The following CFAP95 variants were observed in gnomAD, a reference collection of about 807,000 sequenced individuals.
The protein encoded by CFAP95 is cilia- and flagella-associated protein 95.
At chr9:69,848,641 G>T in the CFAP95 span, among the ~76,000 whole-genome samples, 1 of 152,132 alleles carries the variant, frequency 6.6e-6, no homozygotes, top group East Asian at 1.9e-4. Flanking sequence ...AGTCCCCAAG[G>T]AGATAGAGGG....
the CFAP95 span, among the ~76,000 whole-genome samples, chr9:69,903,011 C>G: frequency 8.3e-4 from 126 of 152,262 alleles, no homozygotes; most frequent in African/African-American, 2.9e-3. Flanking sequence ...ATAAGATGTA[C>G]AAAATCCAGC....
the CFAP95 span, among the ~76,000 whole-genome samples, chr9:69,872,362 A>C: frequency 2.6e-5 from 4 of 152,334 alleles, no homozygotes; most frequent in East Asian, 7.7e-4. Context: ...AAGCACAAAA[A>C]TAACCAAAGA....
chr9:69,837,573 G>A, the CFAP95 span, among the ~76,000 whole-genome samples: 6 of 152,030 alleles, frequency 3.9e-5, no homozygotes, highest in Non-Finnish European at 8.8e-5. Context: ...CTTTTTGATG[G>A]GGTTGTTTGT....
At chr9:69,856,594 T>C in the CFAP95 span, 2 of 1,611,176 alleles carry the variant, frequency 1.2e-6, no homozygotes, top group Admixed American at 1.7e-5. Context: ...GTCACAAATG[T>C]GTTTAAACAC....
At chr9:69,892,872 A>G in the CFAP95 span, among the ~76,000 whole-genome samples, 1 of 152,104 alleles carries the variant, frequency 6.6e-6, no homozygotes, top group Non-Finnish European at 1.5e-5. Flanking sequence ...TTCCCAATCC[A>G]TCCCTTTCCA....
At chr9:69,839,577 C>A in the CFAP95 span, among the ~76,000 whole-genome samples, 11 of 151,886 alleles carry the variant, frequency 7.2e-5, no homozygotes, top group African/African-American at 2.7e-4. Flanking sequence ...CAGGCACGTG[C>A]CACCGTGCCC....
At chr9:69,884,555 T>A in the CFAP95 span, 1 of 152,078 alleles carries the variant, frequency 6.6e-6, no homozygotes, top group Non-Finnish European at 1.5e-5. Flanking sequence ...CCCATAGGCA[T>A]ACAGCACTAT....
the CFAP95 span, among the ~76,000 whole-genome samples, chr9:69,857,643 G>A: frequency 1.4e-4 from 21 of 152,248 alleles, no homozygotes; most frequent in African/African-American, 5.1e-4. Context: ...TCCTGCCTCA[G>A]CCTCCCGAGT....
At chr9:69,840,773 C>T in the CFAP95 span, among the ~76,000 whole-genome samples, 1 of 152,082 alleles carries the variant, frequency 6.6e-6, no homozygotes, top group Non-Finnish European at 1.5e-5. Flanking sequence ...CTGGCAGCCT[C>T]TTGGGAGTAG....
the CFAP95 span, among the ~76,000 whole-genome samples, chr9:69,872,636 T>A: frequency 6.6e-6 from 1 of 152,170 alleles, no homozygotes; most frequent in African/African-American, 2.4e-5. Context: ...GTCCTTCATT[T>A]CATCTTTCCT....
At chr9:69,822,175 G>A in the CFAP95 span, among the ~76,000 whole-genome samples, 3 of 152,186 alleles carry the variant, frequency 2.0e-5, no homozygotes, top group South Asian at 2.1e-4. Context: ...TATTTGGGAG[G>A]GGCGTGAAGA....
the CFAP95 span, among the ~76,000 whole-genome samples, chr9:69,843,546 CTCCTCCTCCTCCTTCTTCTTCT>C: frequency 3.3e-5 from 1 of 29,862 alleles, no homozygotes; most frequent in Non-Finnish European, 6.7e-5. Context: ...CCTCCTCCTC[CTCCTCCTCCTCCTTCTTCTTCT>C]TCTTCTTCTT....
chr9:69,835,359 T>C, the CFAP95 span, among the ~76,000 whole-genome samples: 2 of 152,338 alleles, frequency 1.3e-5, no homozygotes, highest in South Asian at 2.1e-4. Flanking sequence ...ATTGTTCTCA[T>C]GTCAGATATT....
the CFAP95 span, among the ~76,000 whole-genome samples, chr9:69,855,235 T>A: frequency 2.0e-5 from 3 of 152,358 alleles, no homozygotes; most frequent in East Asian, 3.9e-4. Flanking sequence ...TTTACTCCTC[T>A]ATTTTATGTT....
At chr9:69,886,822 G>T in the CFAP95 span, 1 of 1,605,430 alleles carries the variant, frequency 6.2e-7, no homozygotes, top group South Asian at 1.1e-5. Flanking sequence ...TTTCCTCATT[G>T]ACTTATCCCT....
At chr9:69,877,158 T>A in the CFAP95 span, among the ~76,000 whole-genome samples, 1 of 152,200 alleles carries the variant, frequency 6.6e-6, no homozygotes, top group Admixed American at 6.5e-5. Context: ...TTTATAAGAC[T>A]AAAGGTTTAG....
the CFAP95 span, among the ~76,000 whole-genome samples, chr9:69,880,748 A>G: frequency 6.6e-6 from 1 of 152,328 alleles, no homozygotes; most frequent in South Asian, 2.1e-4. Context: ...TGTTCTCCAT[A>G]GTGGTTGTAC....
the CFAP95 span, among the ~76,000 whole-genome samples, chr9:69,892,664 A>C: frequency 6.6e-6 from 1 of 152,170 alleles, no homozygotes; most frequent in African/African-American, 2.4e-5. Context: ...CCTTTTCCAA[A>C]GCCACCCTGG....
At chr9:69,879,148 A>G in the CFAP95 span, among the ~76,000 whole-genome samples, 1 of 152,160 alleles carries the variant, frequency 6.6e-6, no homozygotes, top group South Asian at 2.1e-4. Flanking sequence ...CAGTGTCAAT[A>G]TTCTATATGT....
Sources: allele counts gnomAD v4.1 joint callset (sites outside exome capture counted in the v4.1 genomes callset), GRCh38; gene constraint gnomAD v4.1.1; transcripts MANE v1.5; gene names NCBI Gene and HGNC (gene_info 2026-07-23, HGNC 2026-07-21).